CHORDC1: variants seen among roughly 807,000 people sequenced by gnomAD.
CHORDC1 encodes cysteine and histidine rich domain containing 1.
A neutral mutation model predicts 48.3 loss-of-function variants in CHORDC1; 25 were observed. That is an observed-to-expected ratio of 0.52 (90% CI 0.38 to 0.72). The LOEUF is 0.72. Ranked by LOEUF, CHORDC1 falls within the 30% of genes least tolerant of loss-of-function variation. CHORDC1 has a pLI of 0.00. For synonymous variants in CHORDC1, 128 were observed against 126.4 expected, an observed-to-expected ratio of 1.01 and a Z score of -0.09; for missense variants, 317 against 388.7, an observed-to-expected ratio of 0.82 and a Z score of 1.55.
At position 90,201,809 on chromosome 11, in the gene CHORDC1, G is replaced by A. The variant is rs1351746740; in HGVS notation, c.*596C>T. 3 of 152,310 alleles carry A rather than the reference G, an allele frequency of 2.0e-5. No homozygotes were observed. The highest frequency in any genetic ancestry group is 6.6e-5 in the Admixed American group (1 of 15,236). The allele number at this position is 152,310 out of a possible 1,614,324, so 9.4% of individuals were successfully genotyped here. A position where few individuals can be genotyped will look rare whatever the true frequency, so the allele number is the denominator to read the frequency against. ...TCATACTGCTTGGCAAGTAATGTAA[G>A]TTTTGACATAATTTAAAAATTCAAG... On this transcript the variant is annotated 3_prime_UTR_variant, in exon 11 of 11. Coordinates refer to ENST00000320585, the MANE Select transcript of CHORDC1 (RefSeq NM_012124.3).
chr11:90,210,970 AT>A lies in CHORDC1; in HGVS notation c.433+244del, dbSNP rs1258817427. 4 of 309,558 alleles carry A rather than the reference AT, an allele frequency of 1.3e-5. No homozygotes were observed. In the East Asian group the frequency reaches 2.6e-4, roughly 20 times the overall value. The allele number at this position is 309,558 out of a possible 1,614,324, so 19.2% of individuals were successfully genotyped here. A position where few individuals can be genotyped will look rare whatever the true frequency, so the allele number is the denominator to read the frequency against. On this transcript the variant is annotated intron_variant, in intron 5 of 10. Transcript: ENST00000320585. ...AGAAATTTAGCTGATTCTTAAAAAA[AT>A]AATGAACCATAAAAGAAAAAAAATT...
chr11:90,219,733 C>T (rs1016220161), intron 1 of CHORDC1, among the ~76,000 whole-genome samples: 1 of 152,128 alleles, frequency 6.6e-6, no homozygotes, highest in Non-Finnish European at 1.5e-5. Context: ...CTGTGAGACC[C>T]CTGATTTCCC....
intron 2 of CHORDC1, chr11:90,216,344 G>C (rs1471523510): frequency 4.2e-6 from 1 of 239,280 alleles, no homozygotes; most frequent in Non-Finnish European, 8.3e-6. Flanking sequence ...ATAAATTTAA[G>C]TTATGTGAAT....
intron 8 of CHORDC1, among the ~76,000 whole-genome samples, chr11:90,204,459 G>A (rs1039327707): frequency 5.9e-5 from 9 of 152,238 alleles, no homozygotes; most frequent in African/African-American, 1.2e-4. Context: ...GGTGGCTCAC[G>A]CCTATAATCC....
intron 6 of CHORDC1, chr11:90,206,623 CT>C (rs1857699252): frequency 2.6e-6 from 1 of 389,946 alleles, no homozygotes; most frequent in Non-Finnish European, 4.7e-6. Flanking sequence ...TACTGCATGA[CT>C]TATGTGTACA....
At chr11:90,215,420 A>G (rs1315230758) in intron 2 of CHORDC1, among the ~76,000 whole-genome samples, 190 bp from the exon 3 acceptor site, 6 of 152,070 alleles carry the variant, frequency 3.9e-5, no homozygotes, top group African/African-American at 1.4e-4. Context: ...TAAAAAGCCA[A>G]TTAACCAATG....
intron 1 of CHORDC1, among the ~76,000 whole-genome samples, chr11:90,221,524 T>C (rs2097284136): frequency 6.6e-6 from 1 of 152,214 alleles, no homozygotes; most frequent in Non-Finnish European, 1.5e-5. Flanking sequence ...CCCTGAACTT[T>C]ATTGTCTCAT....
chr11:90,216,410 C>T (rs1858013443), intron 2 of CHORDC1: 6 of 233,402 alleles, frequency 2.6e-5, no homozygotes, highest in East Asian at 1.5e-4. Flanking sequence ...TGAATATGCC[C>T]CTTCTAATAT....
chr11:90,210,522 C>A lies in CHORDC1; in HGVS notation c.492+14G>T. On this transcript the variant is annotated intron_variant, in intron 6 of 10. Coordinates refer to ENST00000320585, the MANE Select transcript of CHORDC1 (RefSeq NM_012124.3). ...TTTTACTTCATAACACATCACAAAT[C>A]TTGTGATATATACCTTTGAACACCC... The A allele has an allele frequency of 6.5e-7, 1 of 1,538,876 alleles. No individual in the cohort carries two copies. Among genetic ancestry groups the A allele is most frequent in the Non-Finnish European group, 8.9e-7 (1 of 1,118,762 alleles).
rs1164076494 is a variant in CHORDC1, at chr11:90,201,473, C to T, written c.*932G>A. 6.6e-6 allele frequency: 1 copy of T among 151,918 alleles called. No homozygotes were observed. The highest frequency in any genetic ancestry group is 1.9e-4 in the East Asian group (1 of 5,198). 9.4% of individuals were successfully genotyped at this position (151,918 alleles called of 1,614,324 possible). On this transcript the variant is annotated 3_prime_UTR_variant, in exon 11 of 11. Coordinates refer to ENST00000320585, the MANE Select transcript of CHORDC1 (RefSeq NM_012124.3). ...AAACAATTAAGCTATTTTTATTTAA[C>T]ATGTAATAGTCATAAAGCAACTCCA...
chr11:90,205,761 C>G, intron 7 of CHORDC1, 196 bp from the exon 8 acceptor site: 1 of 556,090 alleles, frequency 1.8e-6, no homozygotes, highest in Non-Finnish European at 3.2e-6. Context: ...GATTTTTACA[C>G]AGTGCTGCAT....
In CHORDC1 at chr11:90,222,883, C is replaced by T. The variant is rs1435601773; in HGVS notation, c.64+8G>A. 1 of 1,613,600 alleles carries T rather than the reference C, an allele frequency of 6.2e-7. No individual in the cohort carries two copies. Among genetic ancestry groups the T allele is most frequent in the East Asian group, 2.2e-5 (1 of 44,866 alleles). Reference sequence around the variant, plus strand: ...GGGGAGGGAGGGCTGGCGGCGCGTTCCTCTTACCGTCGGAATTGGTCTCAG... The same window carrying T: ...GGGGAGGGAGGGCTGGCGGCGCGTTTCTCTTACCGTCGGAATTGGTCTCAG... On this transcript the variant is annotated splice_region_variant and intron_variant, in intron 1 of 10. Coordinates refer to ENST00000320585, the MANE Select transcript of CHORDC1 (RefSeq NM_012124.3).
At chr11:90,206,131 G>A in intron 7 of CHORDC1, 71 bp downstream of exon 7, 1 of 946,750 alleles carries the variant, frequency 1.1e-6, no homozygotes, top group South Asian at 1.3e-5. Flanking sequence ...GGCAAACAAT[G>A]TTTAAAGACA....
Position 90,222,892 on chromosome 11 carries a change from G to T in CHORDC1, c.63C>A (p.Asp21Glu). 1 of 1,613,818 alleles carries T rather than the reference G, an allele frequency of 6.2e-7. No individual in the cohort carries two copies. Among genetic ancestry groups the T allele is most frequent in the Non-Finnish European group, 8.5e-7 (1 of 1,179,750 alleles). The change falls in exon 1 of 11, where the codon GAC becomes GAA. Residue 21 changes from aspartate (D) to glutamate (E), a missense_variant and splice_region_variant. By Grantham distance (45) the Asp-to-Glu change is conservative. Transcript: ENST00000320585. The stretch of plus-strand genomic sequence containing the variant: ...GGGCTGGCGGCGCGTTCCTCTTACC[G>T]TCGGAATTGGTCTCAGGATCGAAGC... ...GQRFDPETNS[D>E]DACTYHPGVP... is the part of the protein sequence containing the mutation.
chr11:90,219,692 A>C (rs574043997), intron 1 of CHORDC1, among the ~76,000 whole-genome samples: 8 of 152,356 alleles, frequency 5.3e-5, no homozygotes, highest in Non-Finnish European at 7.3e-5. Flanking sequence ...TACTTTTAGT[A>C]AATCTCCATT....
intron 8 of CHORDC1, among the ~76,000 whole-genome samples, chr11:90,203,685 T>C (rs1480370749): frequency 1.4e-5 from 2 of 147,744 alleles, no homozygotes; most frequent in Non-Finnish European, 3.1e-5. Flanking sequence ...GCCATAATAT[T>C]GATACACAGC....
chr11:90,205,062 ATGAT>A (rs1334967716), intron 8 of CHORDC1, among the ~76,000 whole-genome samples: 1 of 151,958 alleles, frequency 6.6e-6, no homozygotes, highest in Non-Finnish European at 1.5e-5. Context: ...GCATCTGTAA[ATGAT>A]TGAAGTTTTA....
intron 4 of CHORDC1, chr11:90,213,461 C>G: frequency 1.5e-6 from 1 of 683,798 alleles, no homozygotes. Context: ...TGTGGGAATA[C>G]AGAGTCTGGT....
intron 8 of CHORDC1, among the ~76,000 whole-genome samples, chr11:90,204,940 G>A (rs1157879506): frequency 6.6e-6 from 1 of 151,910 alleles, no homozygotes; most frequent in Non-Finnish European, 1.5e-5. Context: ...AGGAAATGAT[G>A]CTTTTTTCCC....
Sources: gnomAD v4.1 joint callset for allele counts (sites outside exome capture counted in the v4.1 genomes callset) on GRCh38, gnomAD v4.1.1 for gene constraint, MANE v1.5 for transcripts, NCBI Gene and HGNC (gene_info 2026-07-23, HGNC 2026-07-21) for gene names.